Variants in TBC1D8 observed in about 807,000 individuals in gnomAD.
The protein encoded by TBC1D8 is TBC1 domain family member 8, also known as BUB2-like protein 1.
TBC1D8 carries 65 observed loss-of-function variants against 118.8 expected under a neutral mutation model. That is an observed-to-expected ratio of 0.55 (90% CI 0.45 to 0.67). TBC1D8 has a LOEUF of 0.67. TBC1D8 is among the 30% of genes least tolerant of loss of function. The pLI, the probability that TBC1D8 is intolerant of heterozygous loss-of-function variation, is 0.00. For missense variants in TBC1D8, 1,376 were observed against 1,471.2 expected (o/e 0.94, Z 1.06); for synonymous variants, 566 against 595.8 (o/e 0.95, Z 0.73).
intron 1 of TBC1D8, among the ~76,000 whole-genome samples, chr2:101,119,206 C>T (rs1348399035): frequency 6.6e-6 from 1 of 152,178 alleles, no homozygotes; most frequent in East Asian, 1.9e-4. Context: ...GAAACATGGG[C>T]AATGCATGTT....
At chr2:101,046,374 G>A (rs1057252468) in intron 5 of TBC1D8, among the ~76,000 whole-genome samples, 3 of 152,192 alleles carry the variant, frequency 2.0e-5, no homozygotes, top group African/African-American at 4.8e-5. Flanking sequence ...GCTCTCTGAC[G>A]CTCAGAAAAA....
At chr2:101,065,776 T>C (rs1462637165) in intron 2 of TBC1D8, among the ~76,000 whole-genome samples, 1 of 152,164 alleles carries the variant, frequency 6.6e-6, no homozygotes, top group East Asian at 1.9e-4. Context: ...TCTGCAACAA[T>C]AAAATTAAAA....
At chr2:101,037,834 G>A (rs1681121109) in intron 7 of TBC1D8, 126 bp from the exon 8 acceptor site, 2 of 1,177,922 alleles carry the variant, frequency 1.7e-6, no homozygotes, top group Non-Finnish European at 1.2e-6. Context: ...GACTCAGGGG[G>A]AAGACAGACT....
intron 5 of TBC1D8, among the ~76,000 whole-genome samples, chr2:101,045,451 T>C (rs1157343786): frequency 6.6e-6 from 1 of 152,218 alleles, no homozygotes; most frequent in Non-Finnish European, 1.5e-5. Flanking sequence ...AAGAGCCTAC[T>C]GTGTGTCGGC....
chr2:101,150,459 T>C (rs1294194842), intron 1 of TBC1D8, among the ~76,000 whole-genome samples: 2 of 152,166 alleles, frequency 1.3e-5, no homozygotes, highest in African/African-American at 2.4e-5. Flanking sequence ...ACAAAACTTT[T>C]AGAAAAAAAA....
chr2:101,022,936 A>C (rs537543212), intron 15 of TBC1D8, among the ~76,000 whole-genome samples: 28 of 151,854 alleles, frequency 1.8e-4, no homozygotes, highest in Admixed American at 6.6e-4. Context: ...TGCGCTCAAG[A>C]TTTCGTGACC....
intron 5 of TBC1D8, among the ~76,000 whole-genome samples, chr2:101,045,922 T>C (rs976423196): frequency 6.6e-6 from 1 of 152,050 alleles, no homozygotes; most frequent in Admixed American, 6.5e-5. Flanking sequence ...GAACCCAGGA[T>C]GTGGAGGCTA....
chr2:101,071,374 T>C (rs529856271), intron 2 of TBC1D8, among the ~76,000 whole-genome samples: 123 of 150,838 alleles, frequency 8.2e-4, no homozygotes, highest in Non-Finnish European at 8.8e-4. Flanking sequence ...AACAAATAAA[T>C]AAATAAATAA....
At position 101,149,339 on chromosome 2, in the gene TBC1D8, G is replaced by A. The variant is rs1679450136; in HGVS notation, c.127+1788C>T. On this transcript the variant is annotated intron_variant, in intron 1 of 19. Coordinates refer to ENST00000409318, the MANE Select transcript of TBC1D8 (RefSeq NM_001330348.2). The stretch of plus-strand genomic sequence containing the variant: ...TGGACAACAGAGTCAGAAACCCTCT[G>A]GACAGGAAGCGGGCTTGAAGCCAGG... Among the ~76,000 whole-genome samples the A allele has an allele frequency of 3.9e-5, 6 of 152,208 alleles. No individual in the cohort carries two copies. The South Asian group carries it at 1.2e-3, about 32-fold the overall frequency.
chr2:101,122,226 C>T (rs1678146065), intron 1 of TBC1D8, among the ~76,000 whole-genome samples: 1 of 150,966 alleles, frequency 6.6e-6, no homozygotes, highest in African/African-American at 2.4e-5. Flanking sequence ...TGTGCGCCAC[C>T]ATACCCAGCT....
intron 1 of TBC1D8, among the ~76,000 whole-genome samples, chr2:101,129,835 G>A (rs1678511290): frequency 6.6e-6 from 1 of 151,796 alleles, no homozygotes; most frequent in Non-Finnish European, 1.5e-5. Context: ...AACCCAGGAG[G>A]CGGAGCTAGC....
intron 2 of TBC1D8, among the ~76,000 whole-genome samples, chr2:101,063,326 T>C (rs1682857135): frequency 1.3e-5 from 2 of 152,162 alleles, no homozygotes; most frequent in African/African-American, 4.8e-5. Context: ...GAGCTTATCA[T>C]AGAGAAAGAT....
At chr2:101,085,708 A>T (rs1165182397) in intron 2 of TBC1D8, among the ~76,000 whole-genome samples, 1 of 152,222 alleles carries the variant, frequency 6.6e-6, no homozygotes, top group African/African-American at 2.4e-5. Context: ...CAAGGAAGAA[A>T]AGAAAATTCT....
chr2:101,092,118 C>A (rs1253844044), intron 1 of TBC1D8, among the ~76,000 whole-genome samples: 1 of 152,234 alleles, frequency 6.6e-6, no homozygotes, highest in South Asian at 2.1e-4. Flanking sequence ...AGTTCAGAAT[C>A]ACATTCAGTT....
intron 2 of TBC1D8, among the ~76,000 whole-genome samples, chr2:101,085,206 C>T (rs1047959581): frequency 2.6e-5 from 4 of 152,020 alleles, no homozygotes; most frequent in Non-Finnish European, 5.9e-5. Flanking sequence ...ATTAAAAAAT[C>T]CAGGCCAATT....
chr2:101,127,316 A>G (rs1411861546), intron 1 of TBC1D8, among the ~76,000 whole-genome samples: 1 of 151,810 alleles, frequency 6.6e-6, no homozygotes, highest in African/African-American at 2.4e-5. Context: ...AGCCCGGGCA[A>G]CAGTGCAAGA....
At chr2:101,118,500 T>A (rs947033083) in intron 1 of TBC1D8, among the ~76,000 whole-genome samples, 1 of 148,048 alleles carries the variant, frequency 6.8e-6, no homozygotes, top group African/African-American at 2.5e-5. Context: ...ATCGAGACCA[T>A]CCTGGCTAAC....
chr2:101,037,423 G>T, intron 8 of TBC1D8, 109 bp downstream of exon 8: 1 of 1,467,226 alleles, frequency 6.8e-7, no homozygotes, highest in Non-Finnish European at 9.1e-7. Context: ...AGGAGCGTTA[G>T]CTTCCCAAAG....
At chr2:101,090,846 G>A (rs1307308671) in intron 1 of TBC1D8, among the ~76,000 whole-genome samples, 1 of 152,196 alleles carries the variant, frequency 6.6e-6, no homozygotes, top group Non-Finnish European at 1.5e-5. Context: ...ATGAGTTAAA[G>A]TATCCAATAT....
Sources: allele counts gnomAD v4.1 joint callset (sites outside exome capture counted in the v4.1 genomes callset), GRCh38; gene constraint gnomAD v4.1.1; transcripts MANE v1.5; gene names NCBI Gene and HGNC (gene_info 2026-07-23, HGNC 2026-07-21).